Variants in LSAMP observed in about 807,000 individuals in gnomAD.
LSAMP encodes limbic system associated membrane protein, also known as limbic system-associated membrane protein.
In LSAMP, 7 loss-of-function variants were observed where a neutral mutation model predicts 38.6. The ratio of observed to expected loss-of-function variants is 0.18; its 90% CI spans 0.10 to 0.34. LSAMP has a LOEUF of 0.34. LSAMP is among the 10% of genes least tolerant of loss of function. The probability of loss-of-function intolerance (pLI) is 1.00; values close to 1 mark genes in which losing one functional copy is unlikely to be tolerated. For synonymous variants in LSAMP, 154 were observed against 166.8 expected, an observed-to-expected ratio of 0.92 and a Z score of 0.59; for missense variants, 313 against 420.0, an observed-to-expected ratio of 0.75 and a Z score of 2.23.
chr3:116,083,026 T>G (rs191283516), intron 2 of LSAMP, among the ~76,000 whole-genome samples: 1 of 152,190 alleles, frequency 6.6e-6, no homozygotes, highest in East Asian at 1.9e-4. Context: ...AAAATAATTT[T>G]TTTAAAAAAG....
At chr3:116,432,362 T>C (rs190739599) in intron 1 of LSAMP, among the ~76,000 whole-genome samples, 169 of 151,742 alleles carry the variant, frequency 1.1e-3, no homozygotes, top group African/African-American at 4.0e-3. Flanking sequence ...AAAGTTAAGG[T>C]CTTGTATTCA....
At chr3:116,317,142 C>A (rs1207303209) in intron 1 of LSAMP, among the ~76,000 whole-genome samples, 2 of 152,090 alleles carry the variant, frequency 1.3e-5, no homozygotes, top group African/African-American at 4.8e-5. Flanking sequence ...CAGAGGTAAC[C>A]CACTCGAGTC....
At chr3:115,965,426 CAT>C (rs1938770424) in intron 3 of LSAMP, among the ~76,000 whole-genome samples, 1 of 151,580 alleles carries the variant, frequency 6.6e-6, no homozygotes, top group African/African-American at 2.4e-5. Flanking sequence ...TAGAAGAAAT[CAT>C]AGGAATATCT....
At chr3:116,325,419 T>A (rs2047757038) in intron 1 of LSAMP, among the ~76,000 whole-genome samples, 1 of 152,166 alleles carries the variant, frequency 6.6e-6, no homozygotes, top group Non-Finnish European at 1.5e-5. Flanking sequence ...AGTGTCTCTA[T>A]GATTGTAAAG....
intron 1 of LSAMP, among the ~76,000 whole-genome samples, chr3:116,383,506 G>A (rs2048588373): frequency 6.6e-6 from 1 of 152,092 alleles, no homozygotes; most frequent in Non-Finnish European, 1.5e-5. Context: ...AGGATAAAAT[G>A]CCTTGCTCTG....
At chr3:116,183,109 A>G (rs1710526647) in intron 1 of LSAMP, among the ~76,000 whole-genome samples, 1 of 151,998 alleles carries the variant, frequency 6.6e-6, no homozygotes, top group South Asian at 2.1e-4. Context: ...TACACATTGA[A>G]GCAGAGAATT....
chr3:115,841,544 A>T, intron 6 of LSAMP: 1 of 225,170 alleles, frequency 4.4e-6, no homozygotes, highest in Non-Finnish European at 8.7e-6. Context: ...CCACTGCCAA[A>T]GAGACTTGTG....
intron 1 of LSAMP, among the ~76,000 whole-genome samples, chr3:116,326,851 C>T (rs1179486773): frequency 6.6e-6 from 1 of 152,046 alleles, no homozygotes; most frequent in Non-Finnish European, 1.5e-5. Flanking sequence ...GCATTCCATA[C>T]TCAGGCTTTT....
At chr3:116,128,277 T>C (rs1053982987) in intron 1 of LSAMP, among the ~76,000 whole-genome samples, 1 of 152,192 alleles carries the variant, frequency 6.6e-6, no homozygotes, top group African/African-American at 2.4e-5. Flanking sequence ...TCTTCACTTA[T>C]CTATTCCAAG....
At chr3:115,924,383 T>A (rs185389581) in intron 3 of LSAMP, among the ~76,000 whole-genome samples, 4 of 152,348 alleles carry the variant, frequency 2.6e-5, no homozygotes, top group African/African-American at 9.6e-5. Context: ...TGTCTTTCAT[T>A]AAATTTTACA....
chr3:116,334,084 A>G (rs1307872790), intron 1 of LSAMP, among the ~76,000 whole-genome samples: 1 of 151,958 alleles, frequency 6.6e-6, no homozygotes. Flanking sequence ...TTCTACAGAA[A>G]TAAAAAAAAT....
At chr3:115,870,113 C>T (rs1434370238) in intron 3 of LSAMP, among the ~76,000 whole-genome samples, 3 of 152,086 alleles carry the variant, frequency 2.0e-5, no homozygotes, top group African/African-American at 4.8e-5. Context: ...TACTTGGACA[C>T]AGCCATGCCT....
At position 116,209,242 on chromosome 3, in the gene LSAMP, C is replaced by T. The variant is rs189888397; in HGVS notation, c.156-122686G>A. 6.6e-3 allele frequency among the ~76,000 whole-genome samples: 1,008 copies of T among 152,298 alleles called. 15 individuals carry two copies. The highest frequency in any genetic ancestry group is 0.023 in the African/African-American group (952 of 41,562). ...TTGCACTTCCCAAGTGAGGCAATGC[C>T]TCGCCCTGCTTTGGCTCGCGCACGG... On this transcript the variant is annotated intron_variant, in intron 1 of 6. Transcript: ENST00000490035.
chr3:115,886,741 C>T (rs191180068), intron 3 of LSAMP, among the ~76,000 whole-genome samples: 7 of 152,064 alleles, frequency 4.6e-5, no homozygotes, highest in Non-Finnish European at 8.8e-5. Context: ...CACAAACCCA[C>T]TTCACTTATG....
intron 3 of LSAMP, among the ~76,000 whole-genome samples, chr3:115,968,314 A>C (rs1358684928): frequency 6.6e-6 from 1 of 151,918 alleles, no homozygotes; most frequent in Non-Finnish European, 1.5e-5. Flanking sequence ...ACCTGAAGTG[A>C]GCTCGCCTGT....
chr3:115,902,613 C>T (rs916366535), intron 3 of LSAMP, among the ~76,000 whole-genome samples: 3 of 152,014 alleles, frequency 2.0e-5, no homozygotes, highest in South Asian at 2.1e-4. Context: ...GTTTAATATC[C>T]AGCATCTATA....
intron 1 of LSAMP, among the ~76,000 whole-genome samples, chr3:116,093,424 A>T (rs1184635839): frequency 6.6e-6 from 1 of 152,230 alleles, no homozygotes. Flanking sequence ...ACAAACATCT[A>T]AAGTGCAGTA....
At chr3:115,956,177 A>G (rs1033145127) in intron 3 of LSAMP, among the ~76,000 whole-genome samples, 30 of 151,854 alleles carry the variant, frequency 2.0e-4, no homozygotes, top group Middle Eastern at 3.4e-3. Context: ...CTGTAAAGGG[A>G]AACTTACAGT....
At chr3:115,823,943 A>T (rs1934328005) in intron 6 of LSAMP, among the ~76,000 whole-genome samples, 1 of 152,210 alleles carries the variant, frequency 6.6e-6, no homozygotes, top group South Asian at 2.1e-4. Context: ...ATTTGACTTT[A>T]ACCATTATGG....
Sources: allele counts gnomAD v4.1 joint callset (sites outside exome capture counted in the v4.1 genomes callset), GRCh38; gene constraint gnomAD v4.1.1; transcripts MANE v1.5; gene names NCBI Gene and HGNC (gene_info 2026-07-23, HGNC 2026-07-21).